Variants in GOLIM4 observed in about 807,000 individuals in gnomAD.
GOLIM4 encodes golgi integral membrane protein 4.
GOLIM4 carries 71 observed loss-of-function variants against 107.4 expected under a neutral mutation model. That is an observed-to-expected ratio of 0.66 (90% CI 0.55 to 0.81). The LOEUF (loss-of-function observed/expected upper bound fraction) is 0.81. Ranked by LOEUF, GOLIM4 falls within the 30% of genes least tolerant of loss-of-function variation. The probability of loss-of-function intolerance (pLI) is 0.00; values close to 1 mark genes in which losing one functional copy is unlikely to be tolerated. For missense variants in GOLIM4, 830 were observed against 826.1 expected (o/e 1.00, Z -0.06); for synonymous variants, 327 against 294.8 (o/e 1.11, Z -1.12).
At chr3:168,055,981 A>T (rs73174993) in intron 1 of GOLIM4, among the ~76,000 whole-genome samples, 6,924 of 152,320 alleles carry the variant, frequency 0.045, 189 homozygotes, top group Non-Finnish European at 0.067. Flanking sequence ...CTAGGAGCCA[A>T]ATGTTAACGA....
At chr3:168,080,574 TA>T (rs1346966967) in intron 1 of GOLIM4, among the ~76,000 whole-genome samples, 2 of 152,070 alleles carry the variant, frequency 1.3e-5, no homozygotes, top group African/African-American at 2.4e-5. Context: ...ATTGATAAAC[TA>T]AAAATGTTAG....
At chr3:168,091,740 T>G (rs1419965887) in intron 1 of GOLIM4, among the ~76,000 whole-genome samples, 1 of 152,192 alleles carries the variant, frequency 6.6e-6, no homozygotes, top group Non-Finnish European at 1.5e-5. Context: ...GTCTATCATC[T>G]TCATTAATCC....
rs536726179 is a variant in GOLIM4, at chr3:168,013,379, G to C, written c.1861-2556C>G. 1.1e-4 allele frequency among the ~76,000 whole-genome samples: 17 copies of C among 152,106 alleles called. No individual in the cohort carries two copies. In the East Asian group the frequency reaches 3.1e-3, roughly 28 times the overall value. ...TATGCACCCAATACAGGAGCACCAA[G>C]ATTCATAAAGCAAATCCTGAGTGAC... On this transcript the variant is annotated intron_variant, in intron 14 of 15. Coordinates refer to ENST00000470487, the MANE Select transcript of GOLIM4 (RefSeq NM_014498.5).
rs1023566825 is a variant in GOLIM4, at chr3:168,075,446, G to A, written c.187+19653C>T. Among the ~76,000 whole-genome samples the A allele has an allele frequency of 9.3e-5, 14 of 151,146 alleles. No homozygotes were observed. The South Asian group carries it at 2.3e-3, about 25-fold the overall frequency. Reference sequence around the variant, plus strand: ...CAAGTAGCTGGGACTACAGGCACCCGCCACTACGCCCGGCTAATTTTTTTT... The same window carrying A: ...CAAGTAGCTGGGACTACAGGCACCCACCACTACGCCCGGCTAATTTTTTTT... On this transcript the variant is annotated intron_variant, in intron 1 of 15. Coordinates refer to ENST00000470487, the MANE Select transcript of GOLIM4 (RefSeq NM_014498.5).
chr3:168,067,786 T>C (rs1382765162), intron 1 of GOLIM4, among the ~76,000 whole-genome samples: 2 of 151,974 alleles, frequency 1.3e-5, no homozygotes, highest in Non-Finnish European at 2.9e-5. Flanking sequence ...CATCAGAGAA[T>C]ACAACACAGC....
At chr3:168,040,677 C>G (rs1718934530) in intron 7 of GOLIM4, 109 bp downstream of exon 7, 4 of 671,434 alleles carry the variant, frequency 6.0e-6, no homozygotes, top group Non-Finnish European at 1.1e-5. Context: ...ATAGCTCTGT[C>G]CTAAGGAACT....
At chr3:168,084,266 G>C (rs560488918) in intron 1 of GOLIM4, among the ~76,000 whole-genome samples, 43 of 152,250 alleles carry the variant, frequency 2.8e-4, no homozygotes, top group African/African-American at 9.2e-4. Flanking sequence ...TCCCAGCCAT[G>C]CTTCCTATAT....
chr3:168,036,057 C>G (rs1718635743), intron 8 of GOLIM4, among the ~76,000 whole-genome samples: 1 of 152,158 alleles, frequency 6.6e-6, no homozygotes, highest in South Asian at 2.1e-4. Context: ...TAGCACTGCT[C>G]CAAGTTAAAA....
At position 168,036,947 on chromosome 3, in the gene GOLIM4, A is replaced by T; in HGVS notation, c.732T>A (p.Ile244=). 1 of 1,572,644 alleles carries T rather than the reference A, an allele frequency of 6.4e-7. No individual in the cohort carries two copies. The highest frequency in any genetic ancestry group is 8.7e-7 in the Non-Finnish European group (1 of 1,156,034). Residue 244 remains isoleucine, a synonymous_variant, in exon 8 of 16, where the codon ATT becomes ATA. Coordinates refer to ENST00000470487, the MANE Select transcript of GOLIM4 (RefSeq NM_014498.5). ...CTGGATCAGGTTTTCGAAGGCTTGG[A>T]ATCCTATTCAGAGTATCTTTCAGTT... ...YKQLKDTLNR[I]PSLRKPDPAE...
intron 1 of GOLIM4, among the ~76,000 whole-genome samples, chr3:168,063,852 CT>C (rs1370690104): frequency 3.3e-5 from 5 of 151,994 alleles, no homozygotes; most frequent in Admixed American, 3.3e-4. Flanking sequence ...CCTGCACATC[CT>C]GCACATGTAC....
At chr3:168,037,057 T>A in intron 7 of GOLIM4, 63 bp from the exon 8 acceptor site, 1 of 1,049,176 alleles carries the variant, frequency 9.5e-7, no homozygotes, top group Non-Finnish European at 1.4e-6. Context: ...GATGGGCATT[T>A]GGGTACACTG....
chr3:168,040,980 G>T, intron 6 of GOLIM4, 111 bp from the exon 7 acceptor site: 2 of 689,460 alleles, frequency 2.9e-6, no homozygotes, highest in Non-Finnish European at 2.6e-6. Context: ...ATTTGTTGTT[G>T]TAGCAGCATG....
Position 168,041,395 on chromosome 3 carries a change from G to A in GOLIM4, c.597C>T (p.Val199=). Residue 199 remains valine, a synonymous_variant, in exon 6 of 16, where the codon GTC becomes GTT. Coordinates refer to ENST00000470487, the MANE Select transcript of GOLIM4 (RefSeq NM_014498.5). The part of the protein sequence containing the change: ...HQDIHTQLQD[V]KQQHKNLLSE... ...GAAACGTTTGGTTTTCTTTTACCTT[G>A]ACATCTTGAAGCTGTGTATGTATGT... 6.4e-7 allele frequency: 1 copy of A among 1,564,970 alleles called. No homozygotes were observed. The highest frequency in any genetic ancestry group is 8.8e-7 in the Non-Finnish European group (1 of 1,136,620).
chr3:168,058,304 C>T (rs1720087407), intron 1 of GOLIM4, among the ~76,000 whole-genome samples: 1 of 152,050 alleles, frequency 6.6e-6, no homozygotes, highest in Non-Finnish European at 1.5e-5. Flanking sequence ...AAAACTATAC[C>T]CAGGCTTTTC....
chr3:168,073,292 ATCTAGCATAGTGCCTT>A (rs1268623647), intron 1 of GOLIM4, among the ~76,000 whole-genome samples: 10 of 152,230 alleles, frequency 6.6e-5, no homozygotes, highest in Non-Finnish European at 1.0e-4. Flanking sequence ...ACTTCAGAGT[ATCTAGCATAGTGCCTT>A]TCTATATAAG....
At chr3:168,054,245 G>A (rs1233294563) in intron 1 of GOLIM4, among the ~76,000 whole-genome samples, 2 of 152,154 alleles carry the variant, frequency 1.3e-5, no homozygotes, top group Non-Finnish European at 2.9e-5. Context: ...CCAGGCCTGG[G>A]GGGGCAAAAC....
chr3:168,078,187 T>C (rs2108285600), intron 1 of GOLIM4, among the ~76,000 whole-genome samples: 2 of 152,286 alleles, frequency 1.3e-5, no homozygotes, highest in Middle Eastern at 6.8e-3. Context: ...AGACCTTTCC[T>C]TTTTATGTTC....
At chr3:168,019,670 T>C (rs1717575601) in intron 14 of GOLIM4, among the ~76,000 whole-genome samples, 3 of 152,230 alleles carry the variant, frequency 2.0e-5, no homozygotes, top group Non-Finnish European at 2.9e-5. Flanking sequence ...TCTCAACATT[T>C]CCTATAAATG....
chr3:168,066,739 T>C (rs531256318), intron 1 of GOLIM4, among the ~76,000 whole-genome samples: 4 of 152,272 alleles, frequency 2.6e-5, no homozygotes, highest in African/African-American at 9.6e-5. Context: ...AGGTGCTGAT[T>C]TAAAATTACT....
Sources: gnomAD v4.1 joint callset for allele counts (sites outside exome capture counted in the v4.1 genomes callset) on GRCh38, gnomAD v4.1.1 for gene constraint, MANE v1.5 for transcripts, NCBI Gene and HGNC (gene_info 2026-07-23, HGNC 2026-07-21) for gene names.